GATAD2A: variants seen among roughly 807,000 people sequenced by gnomAD.
The protein encoded by GATAD2A is GATA zinc finger domain containing 2A.
In GATAD2A, 12 loss-of-function variants were observed where a neutral mutation model predicts 68.5. The ratio of observed to expected loss-of-function variants is 0.18; its 90% CI spans 0.11 to 0.28. The LOEUF is 0.28. GATAD2A is among the 10% of genes least tolerant of loss of function. GATAD2A has a pLI of 1.00. For synonymous variants in GATAD2A, 410 were observed against 375.3 expected (o/e 1.09, Z -1.07); for missense variants, 755 against 868.5 (o/e 0.87, Z 1.64).
intron 1 of GATAD2A, among the ~76,000 whole-genome samples, chr19:19,449,101 T>A (rs185430280): frequency 1.5e-3 from 232 of 152,278 alleles, no homozygotes; most frequent in African/African-American, 5.2e-3. Flanking sequence ...CTTCTCCAGT[T>A]TTTTTCCCCC....
In GATAD2A at chr19:19,498,458, C is replaced by G. The variant is rs764278949; in HGVS notation, c.940C>G (p.Leu314Val). 14 of 1,605,344 alleles carry G rather than the reference C, an allele frequency of 8.7e-6. No individual in the cohort carries two copies. Among genetic ancestry groups the G allele is most frequent in the South Asian group, 4.4e-5 (4 of 90,982 alleles). ...TCTCCCAAAGCCCACCCCAGCATCA[C>G]TGAAGGGGACAACAGCCACCTCCGC... ...VNIPQPTPAS[L>V]KGTTATSAQA... Residue 314 changes from leucine (L) to valine (V), a missense_variant, in exon 8 of 12, where the codon CTG becomes GTG. Transcript: ENST00000683918.
intron 2 of GATAD2A, among the ~76,000 whole-genome samples, chr19:19,476,957 A>G (rs1169718350): frequency 1.3e-5 from 2 of 152,132 alleles, no homozygotes; most frequent in Non-Finnish European, 2.9e-5. Context: ...TGGTAGAAAA[A>G]AGAACGTGGG....
At chr19:19,459,051 C>T (rs1201459708) in intron 1 of GATAD2A, among the ~76,000 whole-genome samples, 1 of 152,170 alleles carries the variant, frequency 6.6e-6, no homozygotes, top group Admixed American at 6.5e-5. Context: ...AGTGATGCTC[C>T]TGCCTTGGTC....
chr19:19,399,154 G>T (rs1410937669), intron 1 of GATAD2A, among the ~76,000 whole-genome samples: 2 of 152,166 alleles, frequency 1.3e-5, no homozygotes, highest in East Asian at 3.9e-4. Context: ...AACCTGAGAG[G>T]TGGAGGTTGC....
At chr19:19,439,995 A>C (rs1385985310) in intron 1 of GATAD2A, 1 of 176,888 alleles carries the variant, frequency 5.7e-6, no homozygotes, top group African/African-American at 2.4e-5. Context: ...CACTCCGGAA[A>C]CAAACAAAGC....
At chr19:19,464,516 A>T (rs1365012680) in intron 1 of GATAD2A, among the ~76,000 whole-genome samples, 1 of 152,126 alleles carries the variant, frequency 6.6e-6, no homozygotes, top group African/African-American at 2.4e-5. Context: ...GAGGGTTAAC[A>T]ACACTTCAGC....
intron 1 of GATAD2A, among the ~76,000 whole-genome samples, chr19:19,386,642 C>T (rs1008894114): frequency 6.6e-6 from 1 of 151,806 alleles, no homozygotes; most frequent in African/African-American, 2.4e-5. Flanking sequence ...CCCCGTCTCT[C>T]TAGGGGACCT....
chr19:19,490,642 G>A (rs1370304395), intron 2 of GATAD2A, among the ~76,000 whole-genome samples: 1 of 152,166 alleles, frequency 6.6e-6, no homozygotes, highest in Non-Finnish European at 1.5e-5. Flanking sequence ...AATGTACAAT[G>A]AGGCCGAGGC....
chr19:19,500,465 C>T (rs1056461534), intron 8 of GATAD2A, among the ~76,000 whole-genome samples: 2 of 151,688 alleles, frequency 1.3e-5, no homozygotes, highest in African/African-American at 2.4e-5. Context: ...CAAAAAAGGT[C>T]GGCACAAATA....
At chr19:19,496,465 C>T (rs1212806731) in intron 7 of GATAD2A, among the ~76,000 whole-genome samples, 4 of 152,192 alleles carry the variant, frequency 2.6e-5, no homozygotes, top group Non-Finnish European at 5.9e-5. Flanking sequence ...ACGAGAGGGG[C>T]GATGCACGGA....
At chr19:19,470,411 G>A (rs2058212575) in intron 2 of GATAD2A, among the ~76,000 whole-genome samples, 1 of 152,174 alleles carries the variant, frequency 6.6e-6, no homozygotes, top group South Asian at 2.1e-4. Flanking sequence ...TGGGATTACA[G>A]GCGTGAGCCA....
At chr19:19,427,662 G>A (rs1467434213) in intron 1 of GATAD2A, 1 of 156,822 alleles carries the variant, frequency 6.4e-6, no homozygotes, top group Non-Finnish European at 1.4e-5. Context: ...GGGATTGAAG[G>A]TATTTCTTTC....
Position 19,502,331 on chromosome 19 carries a change from G to A in GATAD2A, c.1579G>A (p.Ala527Thr), listed in dbSNP as rs761768576. The A allele has an allele frequency of 1.9e-6, 3 of 1,606,690 alleles. No homozygotes were observed. Among genetic ancestry groups the A allele is most frequent in the African/African-American group, 1.3e-5 (1 of 74,894 alleles). Residue 527 changes from alanine to threonine, a missense_variant and splice_region_variant, in exon 11 of 12, where the codon GCC becomes ACC. By Grantham distance (58) the Ala-to-Thr change is moderately conservative. Coordinates refer to ENST00000683918, the MANE Select transcript of GATAD2A (RefSeq NM_001384528.1). ...CGTCACCCCCCTTTCTCCACTGCAG[G>A]CCTCCAGCCAGCTGTCCCGGGGTTC... ...RDWSNGAVLQ[A>T]SSQLSRGSAT...
intron 1 of GATAD2A, among the ~76,000 whole-genome samples, chr19:19,392,234 C>T (rs1183837687): frequency 6.6e-6 from 1 of 151,224 alleles, no homozygotes; most frequent in Non-Finnish European, 1.5e-5. Context: ...TACAGGCATG[C>T]GCCACCATGC....
At chr19:19,477,190 G>A (rs1468264466) in intron 2 of GATAD2A, among the ~76,000 whole-genome samples, 5 of 152,162 alleles carry the variant, frequency 3.3e-5, no homozygotes, top group Non-Finnish European at 5.9e-5. Flanking sequence ...AGATGCCACC[G>A]TTCTCTCTGG....
chr19:19,498,765 T>A (rs755492785), intron 8 of GATAD2A, 43 bp downstream of exon 8: 12 of 1,537,660 alleles, frequency 7.8e-6, no homozygotes, highest in East Asian at 2.3e-5. Context: ...GCCTCTGGCC[T>A]CCAAGGGTGC....
chr19:19,390,112 G>C (rs2048738201), intron 1 of GATAD2A, among the ~76,000 whole-genome samples: 1 of 152,186 alleles, frequency 6.6e-6, no homozygotes, highest in African/African-American at 2.4e-5. Context: ...ATGTTAAAAA[G>C]GGAATGGACA....
intron 1 of GATAD2A, among the ~76,000 whole-genome samples, chr19:19,418,580 C>G (rs2051940468): frequency 6.6e-6 from 1 of 152,020 alleles, no homozygotes; most frequent in Non-Finnish European, 1.5e-5. Context: ...GTTGGGAACC[C>G]ACATTTTCTA....
intron 1 of GATAD2A, among the ~76,000 whole-genome samples, chr19:19,440,750 A>G (rs1299554438): frequency 6.6e-6 from 1 of 152,210 alleles, no homozygotes; most frequent in South Asian, 2.1e-4. Context: ...AAAGACAAAA[A>G]TGAATGAATC....
Sources: gnomAD v4.1 joint callset for allele counts (sites outside exome capture counted in the v4.1 genomes callset) on GRCh38, gnomAD v4.1.1 for gene constraint, MANE v1.5 for transcripts, NCBI Gene and HGNC (gene_info 2026-07-23, HGNC 2026-07-21) for gene names.